Variants in KCNAB1 observed in about 807,000 individuals in gnomAD.
The protein encoded by KCNAB1 is voltage-gated potassium channel subunit beta-1.
Under a neutral mutation model 64.6 loss-of-function variants are expected in KCNAB1, and 35 were observed. That is an observed-to-expected ratio of 0.54 (90% CI 0.41 to 0.72). KCNAB1 has a LOEUF of 0.72. Among genes scored for constraint, KCNAB1 ranks in the 30% least tolerant of loss-of-function variants. The pLI is 0.00. For missense variants in KCNAB1, 401 were observed against 512.9 expected (o/e 0.78, Z 2.11); for synonymous variants, 177 against 183.8 (o/e 0.96, Z 0.30).
intron 1 of KCNAB1, among the ~76,000 whole-genome samples, chr3:156,299,430 T>C (rs1721009795): frequency 6.6e-6 from 1 of 152,182 alleles, no homozygotes; most frequent in African/African-American, 2.4e-5. Context: ...TAAATTAACT[T>C]CCAGATGATA....
chr3:156,211,067 A>G (rs1416987169), intron 1 of KCNAB1, among the ~76,000 whole-genome samples: 3 of 152,192 alleles, frequency 2.0e-5, no homozygotes, highest in African/African-American at 7.2e-5. Flanking sequence ...GGTGTCAAAC[A>G]GAGATTTGAG....
At chr3:156,535,707 T>A (rs534544023) in intron 13 of KCNAB1, among the ~76,000 whole-genome samples, 1 of 152,318 alleles carries the variant, frequency 6.6e-6, no homozygotes, top group Admixed American at 6.5e-5. Flanking sequence ...GAAACCACCA[T>A]CTTCCCCCAA....
At chr3:156,453,515 G>A (rs916468359) in intron 3 of KCNAB1, among the ~76,000 whole-genome samples, 2 of 152,164 alleles carry the variant, frequency 1.3e-5, no homozygotes, top group African/African-American at 2.4e-5. Flanking sequence ...ATAGTCCTCT[G>A]ACTAGTAGGT....
intron 1 of KCNAB1, among the ~76,000 whole-genome samples, chr3:156,310,645 G>A (rs1030532067): frequency 1.3e-5 from 2 of 151,896 alleles, no homozygotes; most frequent in African/African-American, 2.4e-5. Context: ...CTACTAAAAA[G>A]TACAAAAAAT....
At chr3:156,186,955 G>C (rs934166830) in intron 1 of KCNAB1, among the ~76,000 whole-genome samples, 17 of 151,610 alleles carry the variant, frequency 1.1e-4, no homozygotes, top group African/African-American at 4.1e-4. Context: ...GGGCTCAAGT[G>C]ATCCTCCCAC....
chr3:156,532,817 T>C (rs1245344051), intron 13 of KCNAB1, among the ~76,000 whole-genome samples: 1 of 152,192 alleles, frequency 6.6e-6, no homozygotes. Context: ...GGGTACACAG[T>C]GATGAGGGGA....
intron 1 of KCNAB1, among the ~76,000 whole-genome samples, chr3:156,185,324 T>C (rs1163878529): frequency 1.3e-5 from 2 of 152,170 alleles, no homozygotes; most frequent in Admixed American, 6.5e-5. Context: ...GTTACCTCCA[T>C]AGCTACCTTC....
chr3:156,338,377 C>A (rs182235165), intron 1 of KCNAB1, among the ~76,000 whole-genome samples: 44 of 127,458 alleles, frequency 3.5e-4, no homozygotes, highest in African/African-American at 1.2e-3. Flanking sequence ...ATGGCACAAT[C>A]TCAGCTCACC....
intron 1 of KCNAB1, among the ~76,000 whole-genome samples, chr3:156,364,568 C>A (rs1219044086): frequency 6.6e-6 from 1 of 152,060 alleles, no homozygotes; most frequent in African/African-American, 2.4e-5. Flanking sequence ...CACCTAAGGT[C>A]GGGAGTTCGA....
intron 2 of KCNAB1, among the ~76,000 whole-genome samples, chr3:156,432,954 T>G (rs115498932): frequency 0.011 from 1,608 of 152,296 alleles, 29 homozygotes; most frequent in African/African-American, 0.037. Flanking sequence ...TGGTTGGCTG[T>G]CCTGGCCCTG....
At chr3:156,138,026 G>T (rs546340029) in intron 1 of KCNAB1, among the ~76,000 whole-genome samples, 4 of 152,100 alleles carry the variant, frequency 2.6e-5, no homozygotes, top group African/African-American at 4.8e-5. Context: ...AGTCTTTACT[G>T]GTTTCTCTCC....
At chr3:156,371,624 G>A (rs571378750) in intron 1 of KCNAB1, among the ~76,000 whole-genome samples, 8 of 152,242 alleles carry the variant, frequency 5.3e-5, no homozygotes, top group Non-Finnish European at 1.0e-4. Flanking sequence ...GGGGCTCAGG[G>A]TACATTTTTT....
intron 1 of KCNAB1, among the ~76,000 whole-genome samples, chr3:156,212,270 C>A (rs1164328566): frequency 6.6e-6 from 1 of 152,162 alleles, no homozygotes; most frequent in Non-Finnish European, 1.5e-5. Flanking sequence ...ATTTTCTAAC[C>A]TTTCCCAGGG....
At chr3:156,414,472 G>T (rs1027225101) in intron 1 of KCNAB1, among the ~76,000 whole-genome samples, 1 of 152,166 alleles carries the variant, frequency 6.6e-6, no homozygotes, top group African/African-American at 2.4e-5. Flanking sequence ...AGTGTAAATG[G>T]TGAGCGTAAA....
intron 1 of KCNAB1, among the ~76,000 whole-genome samples, chr3:156,158,512 T>G (rs1442209437): frequency 6.6e-6 from 1 of 152,218 alleles, no homozygotes; most frequent in African/African-American, 2.4e-5. Flanking sequence ...ATATAGACTA[T>G]TTTTTATCAG....
intron 1 of KCNAB1, among the ~76,000 whole-genome samples, chr3:156,213,404 G>T (rs912611434): frequency 6.6e-6 from 1 of 152,224 alleles, no homozygotes; most frequent in Admixed American, 6.5e-5. Flanking sequence ...TGTAGAGACA[G>T]GGTCTCACTA....
chr3:156,185,723 C>A (rs1713144181), intron 1 of KCNAB1, among the ~76,000 whole-genome samples: 2 of 152,090 alleles, frequency 1.3e-5, no homozygotes, highest in Non-Finnish European at 2.9e-5. Context: ...AACTTCCCAT[C>A]CTCGATGATA....
At chr3:156,128,497 CAG>C (rs377345599) in intron 1 of KCNAB1, among the ~76,000 whole-genome samples, 115 of 152,324 alleles carry the variant, frequency 7.5e-4, no homozygotes, top group African/African-American at 2.7e-3. Context: ...TAGAAGGAGA[CAG>C]AGTAACACAA....
chr3:156,174,928 G>C lies in KCNAB1; in HGVS notation c.275+54042G>C, dbSNP rs375064459. ...TGCTAGTTGTTGAACTCTTCCTCAA[G>C]TCTACAAGTGGAATTCTTCAGGGAA... On this transcript the variant is annotated intron_variant, in intron 1 of 13. Transcript: ENST00000490337. Among the ~76,000 whole-genome samples, 314 of 152,296 alleles carry C rather than the reference G, an allele frequency of 2.1e-3. 1 individual carries two copies. The highest frequency in any genetic ancestry group is 7.0e-3 in the African/African-American group (290 of 41,548).
Sources: gnomAD v4.1 joint callset for allele counts (sites outside exome capture counted in the v4.1 genomes callset) on GRCh38, gnomAD v4.1.1 for gene constraint, MANE v1.5 for transcripts, NCBI Gene and HGNC (gene_info 2026-07-23, HGNC 2026-07-21) for gene names.